CAPN2: variants seen among roughly 807,000 people sequenced by gnomAD.
CAPN2 encodes the protein calpain-2 catalytic subunit.
Under a neutral mutation model 102.3 loss-of-function variants are expected in CAPN2, and 92 were observed. The ratio of observed to expected loss-of-function variants is 0.90; its 90% CI spans 0.76 to 1.07. The LOEUF is 1.07. Ranked by LOEUF, CAPN2 falls within the 50% of genes least tolerant of loss-of-function variation. The pLI is 0.00. For synonymous variants in CAPN2, 340 were observed against 355.4 expected (o/e 0.96, Z 0.49); for missense variants, 800 against 909.4 (o/e 0.88, Z 1.55).
In CAPN2 at chr1:223,771,809, G is replaced by A; in HGVS notation, c.1904G>A (p.Gly635Asp). Reference protein sequence around the residue: ...YEMRKALEEAGFKMPCQLHQV... With the variant: ...YEMRKALEEADFKMPCQLHQV... ...AGTTTGTTTGTTCATGTAACTTCAGGTTTCAAGATGCCCTGTCAACTCCAC... is the reference window on the plus strand; with the variant it reads ...AGTTTGTTTGTTCATGTAACTTCAGATTTCAAGATGCCCTGTCAACTCCAC... The change falls in exon 19 of 21, where the codon GGT (glycine) becomes GAT (aspartate). Residue 635 changes from glycine to aspartate, a missense_variant and splice_region_variant. Gly to Asp is a moderately conservative substitution (Grantham distance 94). Coordinates refer to ENST00000295006, the MANE Select transcript of CAPN2 (RefSeq NM_001748.5). 2 of 1,601,188 alleles carry A rather than the reference G, an allele frequency of 1.2e-6. No homozygotes were observed. The highest frequency in any genetic ancestry group is 1.1e-5 in the South Asian group (1 of 90,892).
At chr1:223,771,499 C>T (rs1433252443) in intron 18 of CAPN2, 3 of 280,450 alleles carry the variant, frequency 1.1e-5, no homozygotes, top group Admixed American at 9.9e-5. Context: ...GAGAGCTAAA[C>T]AAAAAATCAA....
Position 223,712,751 on chromosome 1 carries a change from C to G in CAPN2, c.111C>G (p.Asn37Lys), listed in dbSNP as rs1160836761. 1.9e-6 allele frequency: 3 copies of G among 1,584,500 alleles called. No individual in the cohort carries two copies. The highest frequency in any genetic ancestry group is 1.7e-6 in the Non-Finnish European group (2 of 1,167,426). Residue 37 changes from asparagine (N) to lysine (K), a missense_variant, in exon 1 of 21, where the codon AAC (asparagine) becomes AAG (lysine). Transcript: ENST00000295006. The stretch of plus-strand genomic sequence containing the variant: ...ACCAGGACTACGAGGCGCTGCGGAA[C>G]GAGTGCCTGGAGGCCGGGACGCTCT... ...YLNQDYEALR[N>K]ECLEAGTLFQ...
chr1:223,761,759 C>T (rs991597677), intron 13 of CAPN2, 142 bp downstream of exon 13: 5 of 681,688 alleles, frequency 7.3e-6, no homozygotes, highest in African/African-American at 3.6e-5. Flanking sequence ...ATCCAAGAGT[C>T]GACTACCTGC....
At chr1:223,751,732 T>G (rs1660905097) in intron 7 of CAPN2, among the ~76,000 whole-genome samples, 1 of 152,242 alleles carries the variant, frequency 6.6e-6, no homozygotes, top group South Asian at 2.1e-4. Context: ...ACTATGTTCA[T>G]TTTCTGGACT....
intron 9 of CAPN2, among the ~76,000 whole-genome samples, chr1:223,753,476 G>T (rs1043870793): frequency 2.0e-5 from 3 of 152,248 alleles, no homozygotes; most frequent in African/African-American, 7.2e-5. Context: ...TTCTCCTCTG[G>T]TCCAGCCTTT....
In CAPN2 at chr1:223,745,354, CCCA is replaced by C. The variant is rs756744674; in HGVS notation, c.479_481del (p.Thr160del). On this transcript the variant is annotated inframe_deletion, in exon 4 of 21. Coordinates refer to ENST00000295006, the MANE Select transcript of CAPN2 (RefSeq NM_001748.5). ...GGAGGTGGTGGTGGATGACAGGCTG[CCCA>C]CCAAGGACGGGGAGCTGCTCTTTGT... is the stretch of plus-strand genomic sequence containing the variant. 1.5e-5 allele frequency: 25 copies of C among 1,614,044 alleles called. No individual in the cohort carries two copies. The highest frequency in any genetic ancestry group is 1.8e-5 in the Non-Finnish European group (21 of 1,180,018).
chr1:223,755,546 G>C lies in CAPN2; in HGVS notation c.1202G>C (p.Gly401Ala), dbSNP rs764752813. 39 of 1,613,962 alleles carry C rather than the reference G, an allele frequency of 2.4e-5. 1 individual carries two copies. The highest frequency in any genetic ancestry group is 2.9e-5 in the Non-Finnish European group (34 of 1,180,018). The stretch of plus-strand genomic sequence containing the variant: ...GAGGAGGATGAGGACGAGGAGGATG[G>C]GGAGAGCGGCTGCACCTTCCTGGTG... ...LEEEDEDEEDGESGCTFLVGL... is the reference protein window; with the variant it reads ...LEEEDEDEEDAESGCTFLVGL... Residue 401 changes from glycine (G) to alanine (A), a missense_variant, in exon 10 of 21, where the codon GGG becomes GCG. Coordinates refer to ENST00000295006, the MANE Select transcript of CAPN2 (RefSeq NM_001748.5). This position sits in a 1 kb window ranked among gnomAD's most constrained non-coding sequence, Gnocchi z 4.1.
In CAPN2 at chr1:223,761,587, C is replaced by T; in HGVS notation, c.1536C>T (p.Val512=). Reference sequence around the variant, plus strand: ...AATTTCCTTCTATTTCCAGAGCTGTCGATGATGAAATCGAGGCCAATCTTG... The same window carrying T: ...AATTTCCTTCTATTTCCAGAGCTGTTGATGATGAAATCGAGGCCAATCTTG... ...FSEKKADYQA[V]DDEIEANLEE... Residue 512 remains valine (V), a synonymous_variant, in exon 13 of 21, where the codon GTC becomes GTT. Transcript: ENST00000295006. 5 of 1,612,418 alleles carry T rather than the reference C, an allele frequency of 3.1e-6. No homozygotes were observed. The highest frequency in any genetic ancestry group is 1.3e-5 in the African/African-American group (1 of 74,978).
intron 7 of CAPN2, among the ~76,000 whole-genome samples, 170 bp downstream of exon 7, chr1:223,751,145 A>G (rs534244846): frequency 1.1e-4 from 17 of 152,230 alleles, no homozygotes; most frequent in Admixed American, 4.6e-4. Flanking sequence ...AGGGTCTTTT[A>G]ACCAGGACAC....
chr1:223,755,753 CG>C lies in CAPN2; in HGVS notation c.1305+107del. 8.3e-7 allele frequency: 1 copy of C among 1,204,014 alleles called. No homozygotes were observed. Among genetic ancestry groups the C allele is most frequent in the Non-Finnish European group, 1.1e-6 (1 of 885,502 alleles). 74.6% of individuals were successfully genotyped at this position (1,204,014 alleles called of 1,614,324 possible). On this transcript the variant is annotated intron_variant, in intron 10 of 20. Coordinates refer to ENST00000295006, the MANE Select transcript of CAPN2 (RefSeq NM_001748.5). This position sits in a 1 kb window ranked among gnomAD's most constrained non-coding sequence, Gnocchi z 4.1. ...CAGAACTGGGGATGGGATCCCAGAC[CG>C]GGAGCTTGGCCAAGGAAAAACAAAA...
intron 1 of CAPN2, among the ~76,000 whole-genome samples, chr1:223,704,727 C>T (rs1051476354): frequency 9.2e-5 from 14 of 152,130 alleles, no homozygotes; most frequent in African/African-American, 3.1e-4. Context: ...CTGGGCTCAG[C>T]CCTGTGCCTG....
chr1:223,743,999 G>C (rs1225454895), intron 2 of CAPN2, 101 bp from the exon 3 acceptor site: 2 of 789,192 alleles, frequency 2.5e-6, no homozygotes, highest in African/African-American at 3.4e-5. Context: ...TCTATTCACA[G>C]GTTGTCTTAG....
rs567571971 is a variant in CAPN2 at position 223,726,326 on chromosome 1, G to C, written c.307+8495G>C. The stretch of plus-strand genomic sequence containing the variant: ...GAAGAGGGTGGGTTTGCCTGCGCCT[G>C]GGGGGAGGGCAGCCATCAGGAAGGA... On this transcript the variant is annotated intron_variant, in intron 2 of 20. Coordinates refer to ENST00000295006, the MANE Select transcript of CAPN2 (RefSeq NM_001748.5). The surrounding 1 kb of genome is among the most constrained non-coding windows in gnomAD (Gnocchi z 4.4). Among the ~76,000 whole-genome samples the C allele has an allele frequency of 4.6e-4, 70 of 150,552 alleles. No homozygotes were observed. Among genetic ancestry groups the C allele is most frequent in the Non-Finnish European group, 7.9e-4 (54 of 67,992 alleles).
At chr1:223,763,894 C>G (rs530857159) in intron 14 of CAPN2, among the ~76,000 whole-genome samples, 21 of 152,244 alleles carry the variant, frequency 1.4e-4, no homozygotes, top group Middle Eastern at 3.4e-3. Context: ...GAGCTAGGAT[C>G]ATTCCACTGC....
rs112049363 is a variant in CAPN2, at chr1:223,726,976, C to G, written c.307+9145C>G. Among the ~76,000 whole-genome samples, 3,105 of 152,258 alleles carry G rather than the reference C, an allele frequency of 0.02. 95 individuals carry two copies. The highest frequency in any genetic ancestry group is 0.071 in the African/African-American group (2,937 of 41,534). ...CTCCCTGCCAGTTTCAGAGGGATGGCCCTGAATTGGCTTTTCAGAGGTTCC... is the reference window on the plus strand; with the variant it reads ...CTCCCTGCCAGTTTCAGAGGGATGGGCCTGAATTGGCTTTTCAGAGGTTCC... On this transcript the variant is annotated intron_variant, in intron 2 of 20. Coordinates refer to ENST00000295006, the MANE Select transcript of CAPN2 (RefSeq NM_001748.5). This position sits in a 1 kb window ranked among gnomAD's most constrained non-coding sequence, Gnocchi z 4.4.
chr1:223,704,591 A>G (rs1302100301), intron 1 of CAPN2, among the ~76,000 whole-genome samples: 2 of 152,188 alleles, frequency 1.3e-5, no homozygotes, highest in Non-Finnish European at 2.9e-5. Context: ...TTTGCCACTG[A>G]GTCACGGTCC....
intron 16 of CAPN2, among the ~76,000 whole-genome samples, chr1:223,767,052 A>G (rs1274596554): frequency 6.6e-6 from 1 of 151,994 alleles, no homozygotes; most frequent in East Asian, 1.9e-4. Context: ...ACTTCTTTGC[A>G]CAAAGCAGCT....
chr1:223,771,749 C>T (rs750365071), intron 18 of CAPN2, 60 bp from the exon 19 acceptor site: 75 of 1,035,436 alleles, frequency 7.2e-5, no homozygotes, highest in Admixed American at 1.2e-4. Context: ...AGCCTGTGAG[C>T]GCAGCTAAAT....
In CAPN2 at chr1:223,725,969, T is replaced by C. The variant is rs1660180399; in HGVS notation, c.307+8138T>C. On this transcript the variant is annotated intron_variant, in intron 2 of 20. Transcript: ENST00000295006. This position sits in a 1 kb window ranked among gnomAD's most constrained non-coding sequence, Gnocchi z 4.1. Reference sequence around the variant, plus strand: ...AGACTATGTGACAGAAAGGTGCCACTGGAACCCAGGGCCTCGTGGGTTTCC... The same window carrying C: ...AGACTATGTGACAGAAAGGTGCCACCGGAACCCAGGGCCTCGTGGGTTTCC... 6.6e-6 allele frequency among the ~76,000 whole-genome samples: 1 copy of C among 152,162 alleles called. No homozygotes were observed. The highest frequency in any genetic ancestry group is 2.4e-5 in the African/African-American group (1 of 41,440).
Sources: gnomAD v4.1 joint callset for allele counts (sites outside exome capture counted in the v4.1 genomes callset) on GRCh38, gnomAD v4.1.1 for gene constraint, Gnocchi (gnomAD v3.1) non-coding constraint, MANE v1.5 for transcripts, NCBI Gene and HGNC (gene_info 2026-07-23, HGNC 2026-07-21) for gene names.